Variants in FCHSD2 observed in about 807,000 individuals in gnomAD.
FCHSD2 encodes FCH and double SH3 domains 2.
Under a neutral mutation model 108.1 loss-of-function variants are expected in FCHSD2, and 38 were observed. That is an observed-to-expected ratio of 0.35 (90% CI 0.27 to 0.46). The LOEUF (loss-of-function observed/expected upper bound fraction) is 0.46. Among genes scored for constraint, FCHSD2 ranks in the 20% least tolerant of loss-of-function variants. The pLI is 1.00. For missense variants in FCHSD2, 751 were observed against 897.8 expected, an observed-to-expected ratio of 0.84 and a Z score of 2.09; for synonymous variants, 279 against 314.7, an observed-to-expected ratio of 0.89 and a Z score of 1.20.
intron 12 of FCHSD2, among the ~76,000 whole-genome samples, chr11:72,869,389 G>T (rs963892864): frequency 6.6e-6 from 1 of 151,630 alleles, no homozygotes; most frequent in African/African-American, 2.4e-5. Flanking sequence ...AAGAGAAGGG[G>T]AAAGGGAGGG....
At chr11:72,868,056 A>C in intron 12 of FCHSD2, 30 bp from the exon 13 acceptor site, 1 of 1,543,800 alleles carries the variant, frequency 6.5e-7, no homozygotes, top group Non-Finnish European at 8.7e-7. Context: ...GTCGGAAATC[A>C]AGGCTTTTAT....
At chr11:73,019,587 G>C (rs1858051650) in intron 3 of FCHSD2, among the ~76,000 whole-genome samples, 1 of 152,090 alleles carries the variant, frequency 6.6e-6, no homozygotes, top group Non-Finnish European at 1.5e-5. Flanking sequence ...AGGGATTCAT[G>C]AAATAGACAA....
At chr11:73,034,634 C>T (rs1173333233) in intron 3 of FCHSD2, among the ~76,000 whole-genome samples, 1 of 152,156 alleles carries the variant, frequency 6.6e-6, no homozygotes, top group African/African-American at 2.4e-5. Context: ...AAAAGTCAGT[C>T]AAAGTAAGCT....
At chr11:73,128,857 G>A (rs1013098056) in intron 2 of FCHSD2, among the ~76,000 whole-genome samples, 5 of 152,048 alleles carry the variant, frequency 3.3e-5, no homozygotes, top group Admixed American at 2.6e-4. Flanking sequence ...AATAAGTCAG[G>A]CTATAATTTC....
At chr11:73,056,260 A>AGG in intron 3 of FCHSD2, among the ~76,000 whole-genome samples, 1 of 152,302 alleles carries the variant, frequency 6.6e-6, no homozygotes, top group East Asian at 1.9e-4. Flanking sequence ...GAGCCAAGGT[A>AGG]GGGGTCCTGT....
At chr11:72,877,801 C>T (rs1344087302) in intron 12 of FCHSD2, among the ~76,000 whole-genome samples, 2 of 151,788 alleles carry the variant, frequency 1.3e-5, no homozygotes, top group Non-Finnish European at 2.9e-5. Context: ...AGCCCAGGAG[C>T]TCAAGACCAG....
intron 6 of FCHSD2, among the ~76,000 whole-genome samples, chr11:72,988,123 C>T (rs2135403483): frequency 6.6e-6 from 1 of 152,306 alleles, no homozygotes. Flanking sequence ...CCCCTCCTTA[C>T]TGGTCTGTTT....
At chr11:72,961,603 G>A (rs1406276876) in intron 8 of FCHSD2, among the ~76,000 whole-genome samples, 5 of 152,094 alleles carry the variant, frequency 3.3e-5, no homozygotes, top group African/African-American at 1.2e-4. Context: ...GGATACTTTT[G>A]AGAAATGAAT....
chr11:73,045,033 G>A (rs1438207727), intron 3 of FCHSD2, among the ~76,000 whole-genome samples: 2 of 149,614 alleles, frequency 1.3e-5, no homozygotes, highest in Non-Finnish European at 3.0e-5. Context: ...TCGCTCCACT[G>A]CACTCCAGCC....
rs372481151 is a variant in FCHSD2 at position 72,843,143 on chromosome 11, G to A, written c.1705+8C>T. The stretch of plus-strand genomic sequence containing the variant: ...ACCAAATAAAGAGTGCCTTGTTTCA[G>A]TCTTTACCACTGGCATCTCCGTTGA... On this transcript the variant is annotated splice_region_variant and intron_variant, in intron 16 of 19. Coordinates refer to ENST00000409418, the MANE Select transcript of FCHSD2 (RefSeq NM_014824.3). 5.6e-6 allele frequency: 9 copies of A among 1,613,406 alleles called. No homozygotes were observed. The highest frequency in any genetic ancestry group is 6.8e-6 in the Non-Finnish European group (8 of 1,179,596).
rs1248534170 is a variant in FCHSD2 at position 73,101,253 on chromosome 11, T to C, written c.120-17513A>G. Among the ~76,000 whole-genome samples the C allele has an allele frequency of 2.0e-5, 3 of 152,198 alleles. No individual in the cohort carries two copies. The East Asian group carries it at 5.8e-4, about 29-fold the overall frequency. ...CCATCTCAGTTGCACAGAAAATAGA[T>C]TGCATAAGAGCAACTTTGGGCAAAT... is the stretch of plus-strand genomic sequence containing the variant. On this transcript the variant is annotated intron_variant, in intron 2 of 19. Coordinates refer to ENST00000409418, the MANE Select transcript of FCHSD2 (RefSeq NM_014824.3).
intron 13 of FCHSD2, among the ~76,000 whole-genome samples, chr11:72,860,220 C>T (rs1447659108): frequency 6.6e-6 from 1 of 152,174 alleles, no homozygotes; most frequent in Non-Finnish European, 1.5e-5. Flanking sequence ...CCTAACAGGC[C>T]ATGGACCGGT....
At chr11:73,081,515 T>C (rs1436925536) in intron 3 of FCHSD2, among the ~76,000 whole-genome samples, 6 of 152,104 alleles carry the variant, frequency 3.9e-5, no homozygotes, top group Non-Finnish European at 7.4e-5. Context: ...TTTTAAAGCA[T>C]ATCATAGACT....
At chr11:72,873,076 T>TCCCAG (rs1331993463) in intron 12 of FCHSD2, among the ~76,000 whole-genome samples, 1 of 142,180 alleles carries the variant, frequency 7.0e-6, no homozygotes, top group Non-Finnish European at 1.6e-5. Context: ...ATGCCTATAA[T>TCCCAG]CCCAGCACTT....
intron 3 of FCHSD2, among the ~76,000 whole-genome samples, chr11:73,052,884 T>C (rs1858933990): frequency 1.3e-5 from 2 of 152,306 alleles, no homozygotes; most frequent in Non-Finnish European, 2.9e-5. Context: ...TCTCACTCTG[T>C]TGCCCAGACT....
chr11:73,015,129 C>G (rs1857942317), intron 4 of FCHSD2, among the ~76,000 whole-genome samples: 2 of 152,206 alleles, frequency 1.3e-5, no homozygotes, highest in South Asian at 2.1e-4. Context: ...CAGGCGTAAG[C>G]CACTGCCCCT....
chr11:73,138,163 T>C (rs1056078354), intron 2 of FCHSD2, among the ~76,000 whole-genome samples: 13 of 152,230 alleles, frequency 8.5e-5, no homozygotes, highest in Non-Finnish European at 1.2e-4. Context: ...ACATCTCATA[T>C]GTATTGTCAT....
intron 14 of FCHSD2, among the ~76,000 whole-genome samples, chr11:72,844,205 G>T (rs1861054580): frequency 6.6e-6 from 1 of 152,166 alleles, no homozygotes; most frequent in Non-Finnish European, 1.5e-5. Context: ...AGGCAAACGA[G>T]AAGGCACTGA....
intron 1 of FCHSD2, 73 bp downstream of exon 1, chr11:73,141,784 C>CGCAGCGGTCGCCCCA (rs1861254851): frequency 6.8e-7 from 1 of 1,461,390 alleles, no homozygotes; most frequent in East Asian, 2.6e-5. Flanking sequence ...GGGGAAGGGG[C>CGCAGCGGTCGCCCCA]GCAGCGGTCG....
Sources: gnomAD v4.1 joint callset for allele counts (sites outside exome capture counted in the v4.1 genomes callset) on GRCh38, gnomAD v4.1.1 for gene constraint, MANE v1.5 for transcripts, NCBI Gene and HGNC (gene_info 2026-07-23, HGNC 2026-07-21) for gene names.